SIPA1L1: variants seen among roughly 807,000 people sequenced by gnomAD.
The protein encoded by SIPA1L1 is signal induced proliferation associated 1 like 1.
A neutral mutation model predicts 162.7 loss-of-function variants in SIPA1L1; 26 were observed. The observed-to-expected ratio is 0.16, with a 90% CI of 0.12 to 0.22. The LOEUF is 0.22. Ranked by LOEUF, SIPA1L1 falls within the 10% of genes least tolerant of loss-of-function variation. SIPA1L1 has a pLI of 1.00. For missense variants in SIPA1L1, 1,874 were observed against 2,241.0 expected (o/e 0.84, Z 3.31); for synonymous variants, 829 against 837.4 (o/e 0.99, Z 0.17).
intron 7 of SIPA1L1, among the ~76,000 whole-genome samples, chr14:71,639,373 A>G (rs2041475834): frequency 6.6e-6 from 1 of 152,188 alleles, no homozygotes. Context: ...TCATCCTGCT[A>G]CACTCTAGCC....
intron 2 of SIPA1L1, among the ~76,000 whole-genome samples, chr14:71,500,305 C>T (rs981233391): frequency 2.6e-5 from 4 of 152,210 alleles, no homozygotes; most frequent in Admixed American, 2.0e-4. Context: ...CTCCCTCCCT[C>T]TTGCCTTCCC....
At chr14:71,387,731 C>T (rs566556330) in intron 2 of SIPA1L1, among the ~76,000 whole-genome samples, 3 of 152,288 alleles carry the variant, frequency 2.0e-5, no homozygotes, top group African/African-American at 7.2e-5. Flanking sequence ...CTGTTCTACA[C>T]GTGGAGAATT....
intron 2 of SIPA1L1, among the ~76,000 whole-genome samples, chr14:71,363,349 A>G (rs931878601): frequency 1.3e-5 from 2 of 152,214 alleles, no homozygotes; most frequent in Non-Finnish European, 2.9e-5. Context: ...CCCTAGGAGG[A>G]AAGGGAACTA....
At chr14:71,519,651 C>T (rs2052097775) in intron 3 of SIPA1L1, among the ~76,000 whole-genome samples, 1 of 151,048 alleles carries the variant, frequency 6.6e-6, no homozygotes, top group Non-Finnish European at 1.5e-5. Flanking sequence ...ATAGCAAAAC[C>T]CTACCTCTAA....
At chr14:71,702,067 C>T (rs1039460915) in intron 14 of SIPA1L1, among the ~76,000 whole-genome samples, 4 of 152,156 alleles carry the variant, frequency 2.6e-5, no homozygotes, top group East Asian at 3.8e-4. Context: ...CTTGGCTGTA[C>T]GAGGGCTTAG....
At chr14:71,395,818 T>G (rs2041146058) in intron 2 of SIPA1L1, among the ~76,000 whole-genome samples, 1 of 152,228 alleles carries the variant, frequency 6.6e-6, no homozygotes. Flanking sequence ...ATGAAAACTA[T>G]GCGCCAAGTA....
At chr14:71,723,510 C>T in intron 17 of SIPA1L1, 137 bp from the exon 18 acceptor site, 1 of 917,466 alleles carries the variant, frequency 1.1e-6, no homozygotes, top group Admixed American at 2.6e-5. Context: ...CCAGGAAGGC[C>T]AGCCAGGCAT....
At chr14:71,492,898 T>C (rs1455965959) in intron 2 of SIPA1L1, among the ~76,000 whole-genome samples, 1 of 151,770 alleles carries the variant, frequency 6.6e-6, no homozygotes, top group Non-Finnish European at 1.5e-5. Flanking sequence ...AGTGCTGGGA[T>C]TATAGGCATG....
intron 8 of SIPA1L1, among the ~76,000 whole-genome samples, chr14:71,652,562 G>C (rs767757979): frequency 1.3e-5 from 2 of 151,432 alleles, no homozygotes; most frequent in Non-Finnish European, 2.9e-5. Flanking sequence ...CCATCTCTCT[G>C]AGACTCCAAT....
chr14:71,462,291 T>C (rs1328330754), intron 2 of SIPA1L1, among the ~76,000 whole-genome samples: 1 of 152,198 alleles, frequency 6.6e-6, no homozygotes, highest in African/African-American at 2.4e-5. Flanking sequence ...TATGGGGGCC[T>C]GCTGAGGGCT....
chr14:71,659,888 T>A (rs2043359937), intron 9 of SIPA1L1, among the ~76,000 whole-genome samples: 1 of 151,882 alleles, frequency 6.6e-6, no homozygotes, highest in African/African-American at 2.4e-5. Flanking sequence ...TATGAAAAAA[T>A]TTTCACTCTC....
intron 2 of SIPA1L1, among the ~76,000 whole-genome samples, chr14:71,503,236 T>A (rs1367778150): frequency 6.6e-6 from 1 of 152,204 alleles, no homozygotes; most frequent in Non-Finnish European, 1.5e-5. Context: ...GAAAGTAAAT[T>A]ACAAAGTTAT....
chr14:71,731,172 C>G (rs1191935533), intron 20 of SIPA1L1, among the ~76,000 whole-genome samples: 1 of 152,188 alleles, frequency 6.6e-6, no homozygotes, highest in African/African-American at 2.4e-5. Flanking sequence ...TTCTCTGGAA[C>G]AGTAATTTCT....
intron 4 of SIPA1L1, among the ~76,000 whole-genome samples, chr14:71,546,376 CTT>C (rs11480749): frequency 2.6e-5 from 3 of 116,928 alleles, no homozygotes; most frequent in Non-Finnish European, 5.0e-5. Flanking sequence ...CTTTTTCTTT[CTT>C]TTTTTTTTTT....
intron 4 of SIPA1L1, among the ~76,000 whole-genome samples, chr14:71,582,621 G>A (rs1037191379): frequency 6.6e-6 from 1 of 152,100 alleles, no homozygotes; most frequent in African/African-American, 2.4e-5. Context: ...TTCAAATACA[G>A]CTTTATCATG....
intron 2 of SIPA1L1, among the ~76,000 whole-genome samples, chr14:71,452,885 C>T (rs907478505): frequency 1.9e-4 from 29 of 152,102 alleles, no homozygotes; most frequent in African/African-American, 6.8e-4. Flanking sequence ...GACTTTATTT[C>T]GATATTCACA....
At position 71,588,419 on chromosome 14, in the gene SIPA1L1, C is replaced by T. The variant is rs2034866829; in HGVS notation, c.547C>T (p.Leu183Phe). The change falls in exon 5 of 24, where the codon CTT becomes TTT. Residue 183 changes from leucine to phenylalanine, a missense_variant. Leu to Phe is a conservative substitution (Grantham distance 22). Coordinates refer to ENST00000381232, the MANE Select transcript of SIPA1L1 (RefSeq NM_001386936.1). The surrounding 1 kb of genome is among the most constrained non-coding windows in gnomAD (Gnocchi z 4.3). The part of the protein sequence containing the change: ...RSNSDITISE[L>F]DVDSFDECIS... Reference sequence around the variant, plus strand: ...CAACAGTGATATCACCATAAGTGAACTTGATGTGGATAGCTTTGATGAATG... The same window carrying T: ...CAACAGTGATATCACCATAAGTGAATTTGATGTGGATAGCTTTGATGAATG... The T allele has an allele frequency of 6.2e-7, 1 of 1,614,122 alleles. No homozygotes were observed. Among genetic ancestry groups the T allele is most frequent in the Non-Finnish European group, 8.5e-7 (1 of 1,179,970 alleles).
chr14:71,728,068 A>G (rs1306505295), intron 19 of SIPA1L1, among the ~76,000 whole-genome samples: 2 of 152,172 alleles, frequency 1.3e-5, no homozygotes, highest in Non-Finnish European at 2.9e-5. Flanking sequence ...ACACCTGTAA[A>G]ACCATCAGGC....
At chr14:71,483,235 T>C (rs1203628132) in intron 2 of SIPA1L1, among the ~76,000 whole-genome samples, 1 of 152,210 alleles carries the variant, frequency 6.6e-6, no homozygotes, top group East Asian at 1.9e-4. Flanking sequence ...TTATAGATGT[T>C]TGGGGTACCG....
Sources: gnomAD v4.1 joint callset for allele counts (sites outside exome capture counted in the v4.1 genomes callset) on GRCh38, gnomAD v4.1.1 for gene constraint, Gnocchi (gnomAD v3.1) non-coding constraint, MANE v1.5 for transcripts, NCBI Gene and HGNC (gene_info 2026-07-23, HGNC 2026-07-21) for gene names.